DLG2: variants seen among roughly 807,000 people sequenced by gnomAD.
The protein encoded by DLG2 is discs large MAGUK scaffold protein 2, also known as disks large homolog 2.
DLG2 carries 45 observed loss-of-function variants against 132.5 expected under a neutral mutation model. The observed-to-expected ratio is 0.34, with a 90% CI of 0.27 to 0.44. DLG2 has a LOEUF of 0.44. Among genes scored for constraint, DLG2 ranks in the 20% least tolerant of loss-of-function variants. DLG2 has a pLI of 1.00. For missense variants in DLG2, 1,045 were observed against 1,196.9 expected (o/e 0.87, Z 1.87); for synonymous variants, 424 against 419.6 (o/e 1.01, Z -0.13).
chr11:83,475,815 A>G (rs1313099412), intron 22 of DLG2, among the ~76,000 whole-genome samples: 1 of 147,706 alleles, frequency 6.8e-6, no homozygotes, highest in African/African-American at 2.5e-5. Context: ...GAGTTTTTCT[A>G]TTTTCTGCTC....
intron 6 of DLG2, among the ~76,000 whole-genome samples, chr11:84,734,312 G>T (rs534444336): frequency 6.6e-6 from 1 of 151,702 alleles, no homozygotes; most frequent in Non-Finnish European, 1.5e-5. Flanking sequence ...CTTTTATTTT[G>T]TTGAGCAGTG....
chr11:83,969,416 C>A (rs1031735885), intron 12 of DLG2, among the ~76,000 whole-genome samples: 2 of 152,146 alleles, frequency 1.3e-5, no homozygotes, highest in African/African-American at 4.8e-5. Flanking sequence ...ACTGCATCAT[C>A]CTAATACACT....
chr11:84,888,594 A>G (rs2088757316), intron 6 of DLG2, among the ~76,000 whole-genome samples: 1 of 151,434 alleles, frequency 6.6e-6, no homozygotes, highest in Admixed American at 6.6e-5. Flanking sequence ...TATATCTCCT[A>G]TTGGCTATTT....
intron 4 of DLG2, among the ~76,000 whole-genome samples, chr11:85,158,316 A>G (rs775448336): frequency 2.6e-4 from 39 of 152,286 alleles, no homozygotes; most frequent in South Asian, 2.1e-4. Context: ...TCGAGTGAAA[A>G]AAAAGGTTGT....
At chr11:85,217,014 T>C (rs2082657467) in intron 4 of DLG2, among the ~76,000 whole-genome samples, 1 of 152,120 alleles carries the variant, frequency 6.6e-6, no homozygotes, top group Non-Finnish European at 1.5e-5. Context: ...CTTATAATAA[T>C]TCACATTTGT....
intron 6 of DLG2, among the ~76,000 whole-genome samples, chr11:85,084,523 A>G (rs1170239675): frequency 6.6e-6 from 1 of 152,176 alleles, no homozygotes; most frequent in Non-Finnish European, 1.5e-5. Context: ...AGAAATATAA[A>G]GTAGCATTAA....
At chr11:83,480,686 G>T in intron 22 of DLG2, 1 of 1,471,444 alleles carries the variant, frequency 6.8e-7, no homozygotes, top group South Asian at 1.2e-5. Flanking sequence ...CAATTTAGGC[G>T]ATTAGAAAAA....
intron 6 of DLG2, among the ~76,000 whole-genome samples, chr11:84,818,306 A>T (rs901636909): frequency 2.6e-5 from 4 of 151,982 alleles, no homozygotes; most frequent in Admixed American, 1.3e-4. Context: ...CAGTAAATGT[A>T]TGTTTCGAAA....
intron 18 of DLG2, among the ~76,000 whole-genome samples, chr11:83,685,403 G>A (rs763560433): frequency 3.3e-5 from 5 of 151,804 alleles, no homozygotes; most frequent in African/African-American, 1.2e-4. Flanking sequence ...ATCAATATCC[G>A]GTGCACAGTT....
intron 4 of DLG2, among the ~76,000 whole-genome samples, chr11:85,203,183 C>A (rs1517314): frequency 1 from 151,538 of 151,636 alleles, 75,721 homozygotes; most frequent in Middle Eastern, 1. Context: ...CAAAAATAAA[C>A]ATCAGACCAT....
chr11:84,018,948 A>C (rs577262283), intron 11 of DLG2, among the ~76,000 whole-genome samples: 2 of 152,232 alleles, frequency 1.3e-5, no homozygotes, highest in East Asian at 3.9e-4. Context: ...AAGAACATAA[A>C]GGACTACTTT....
chr11:85,065,338 T>G (rs890419291), intron 6 of DLG2, among the ~76,000 whole-genome samples: 2 of 151,492 alleles, frequency 1.3e-5, no homozygotes, highest in Non-Finnish European at 3.0e-5. Flanking sequence ...CTCCTTTTTT[T>G]TAAAACCCCT....
chr11:83,636,270 C>T (rs1246619278), intron 18 of DLG2, among the ~76,000 whole-genome samples: 1 of 152,106 alleles, frequency 6.6e-6, no homozygotes, highest in East Asian at 1.9e-4. Flanking sequence ...TAGACTGAGC[C>T]CTCTGAGGGC....
intron 10 of DLG2, among the ~76,000 whole-genome samples, chr11:84,089,113 G>A (rs1355015708): frequency 1.3e-5 from 2 of 152,130 alleles, no homozygotes; most frequent in Non-Finnish European, 2.9e-5. Flanking sequence ...TGACAGTTCA[G>A]TATGGAGAGG....
At chr11:83,628,706 C>T (rs778285495) in intron 19 of DLG2, among the ~76,000 whole-genome samples, 85 of 152,164 alleles carry the variant, frequency 5.6e-4, no homozygotes, top group Non-Finnish European at 1.2e-3. Flanking sequence ...GGCTACAACA[C>T]CAAGGGTCTA....
intron 9 of DLG2, among the ~76,000 whole-genome samples, chr11:84,115,152 T>C (rs2093571739): frequency 2.0e-5 from 3 of 152,212 alleles, no homozygotes; most frequent in Non-Finnish European, 4.4e-5. Context: ...CTAAAAGATG[T>C]CATGTGTAAA....
chr11:85,272,668 T>TTG (rs2077611994), intron 4 of DLG2, among the ~76,000 whole-genome samples: 1 of 152,036 alleles, frequency 6.6e-6, no homozygotes, highest in Non-Finnish European at 1.5e-5. Context: ...ATCGTGAAAA[T>TTG]GGCCATACTG....
At chr11:83,814,898 G>T in intron 17 of DLG2, 1 of 223,874 alleles carries the variant, frequency 4.5e-6, no homozygotes, top group South Asian at 9.8e-5. Flanking sequence ...ACCCATGGCA[G>T]CTTCCAGAGT....
intron 14 of DLG2, among the ~76,000 whole-genome samples, chr11:83,962,556 A>T (rs576710062): frequency 6.6e-6 from 1 of 152,206 alleles, no homozygotes; most frequent in South Asian, 2.1e-4. Flanking sequence ...CTTCCTTTTG[A>T]ATCTCAGCAC....
Sources: allele counts gnomAD v4.1 joint callset (sites outside exome capture counted in the v4.1 genomes callset), GRCh38; gene constraint gnomAD v4.1.1; transcripts MANE v1.5; gene names NCBI Gene and HGNC (gene_info 2026-07-23, HGNC 2026-07-21).